Variants in THSD4 observed in about 807,000 individuals in gnomAD.
The protein encoded by THSD4 is thrombospondin type 1 domain containing 4.
Under a neutral mutation model 119.0 loss-of-function variants are expected in THSD4, and 69 were observed. The ratio of observed to expected loss-of-function variants is 0.58; its 90% CI spans 0.48 to 0.71. The LOEUF (loss-of-function observed/expected upper bound fraction) is 0.71. Among genes scored for constraint, THSD4 ranks in the 30% least tolerant of loss-of-function variants. THSD4 has a pLI of 0.00. For missense variants in THSD4, 1,393 were observed against 1,391.1 expected, an observed-to-expected ratio of 1.00 and a Z score of -0.02; for synonymous variants, 524 against 540.4, an observed-to-expected ratio of 0.97 and a Z score of 0.42.
chr15:71,578,700 G>A (rs955873657), intron 7 of THSD4, among the ~76,000 whole-genome samples: 4 of 152,082 alleles, frequency 2.6e-5, no homozygotes, highest in Non-Finnish European at 4.4e-5. Flanking sequence ...ACAGCCATTC[G>A]ATAGACTAAA....
chr15:71,294,011 T>C (rs1461028927), intron 6 of THSD4, among the ~76,000 whole-genome samples: 1 of 152,084 alleles, frequency 6.6e-6, no homozygotes, highest in Admixed American at 6.5e-5. Context: ...GTTTTAGATG[T>C]TTGATCTCCT....
intron 7 of THSD4, among the ~76,000 whole-genome samples, chr15:71,585,537 TTATA>T (rs2049649137): frequency 1.3e-5 from 2 of 152,222 alleles, no homozygotes; most frequent in Non-Finnish European, 2.9e-5. Flanking sequence ...GACAATTTGG[TTATA>T]ATGTGTCTCA....
At chr15:71,630,242 T>G (rs2050598776) in intron 7 of THSD4, among the ~76,000 whole-genome samples, 1 of 152,178 alleles carries the variant, frequency 6.6e-6, no homozygotes, top group Admixed American at 6.5e-5. Flanking sequence ...GGCAAATGGA[T>G]GACCACATGG....
intron 7 of THSD4, among the ~76,000 whole-genome samples, chr15:71,621,313 G>C (rs1411407289): frequency 6.6e-6 from 1 of 152,300 alleles, no homozygotes; most frequent in South Asian, 2.1e-4. Flanking sequence ...TTTTTTGTAA[G>C]TTCAATGGAG....
chr15:71,122,970 C>T (rs1161687941), intron 1 of THSD4, among the ~76,000 whole-genome samples: 2 of 152,222 alleles, frequency 1.3e-5, no homozygotes, highest in Admixed American at 6.5e-5. Context: ...ACTTGGGAGG[C>T]CCAGACAAGG....
At chr15:71,631,981 G>A (rs998209539) in intron 7 of THSD4, among the ~76,000 whole-genome samples, 1 of 152,168 alleles carries the variant, frequency 6.6e-6, no homozygotes, top group East Asian at 1.9e-4. Flanking sequence ...CTTACTAGCC[G>A]AGATATCTTA....
Position 71,658,662 on chromosome 15 carries a change from A to G in THSD4, c.1153-1868A>G, listed in dbSNP as rs377186365. Among the ~76,000 whole-genome samples the G allele has an allele frequency of 1.5e-3, 231 of 152,330 alleles. 2 individuals carry two copies. Among genetic ancestry groups the G allele is most frequent in the African/African-American group, 5.2e-3 (215 of 41,582 alleles). Reference sequence around the variant, plus strand: ...GTGGGGCTATGGAAATCACACATGGAAAACATATTCCTTATTTTTTCTGCT... The same window carrying G: ...GTGGGGCTATGGAAATCACACATGGGAAACATATTCCTTATTTTTTCTGCT... On this transcript the variant is annotated intron_variant, in intron 7 of 17. Transcript: ENST00000261862.
chr15:71,571,292 C>T (rs967769623), intron 7 of THSD4, among the ~76,000 whole-genome samples: 1 of 151,862 alleles, frequency 6.6e-6, no homozygotes, highest in Non-Finnish European at 1.5e-5. Flanking sequence ...TTAGCCGGGT[C>T]TCAGTGAAAG....
Position 71,777,517 on chromosome 15 carries a change from A to G in THSD4, c.*143A>G. On this transcript the variant is annotated 3_prime_UTR_variant, in exon 18 of 18. Coordinates refer to ENST00000261862, the MANE Select transcript of THSD4 (RefSeq NM_024817.3). The stretch of plus-strand genomic sequence containing the variant: ...TAGTCACCACCCCTGCCTCCGGTGA[A>G]TGCACCCCGTGGTACCCAGGGGCTT... The G allele has an allele frequency of 2.6e-6, 3 of 1,171,354 alleles. No individual in the cohort carries two copies. The highest frequency in any genetic ancestry group is 3.5e-6 in the Non-Finnish European group (3 of 850,538). The allele number at this position is 1,171,354 out of a possible 1,614,324, so 72.6% of individuals were successfully genotyped here.
At chr15:71,602,351 C>G (rs2050026169) in intron 7 of THSD4, among the ~76,000 whole-genome samples, 1 of 151,712 alleles carries the variant, frequency 6.6e-6, no homozygotes, top group Admixed American at 6.6e-5. Flanking sequence ...GTCGGGAGTT[C>G]AAGACCAACC....
At chr15:71,496,397 T>G (rs1197176135) in intron 7 of THSD4, among the ~76,000 whole-genome samples, 1 of 152,194 alleles carries the variant, frequency 6.6e-6, no homozygotes, top group Non-Finnish European at 1.5e-5. Context: ...TTTTCTTTTT[T>G]CTTTCACTTG....
chr15:71,100,243 G>T (rs1211559762), intron 1 of THSD4, among the ~76,000 whole-genome samples: 4 of 152,182 alleles, frequency 2.6e-5, no homozygotes, highest in Non-Finnish European at 4.4e-5. Flanking sequence ...GTAAGGTGAT[G>T]GAATGTCACT....
At chr15:71,393,605 A>G (rs2046405688) in intron 6 of THSD4, among the ~76,000 whole-genome samples, 1 of 151,882 alleles carries the variant, frequency 6.6e-6, no homozygotes, top group African/African-American at 2.4e-5. Flanking sequence ...CTGGCTTCCT[A>G]TTTATTTTGT....
intron 7 of THSD4, among the ~76,000 whole-genome samples, chr15:71,595,562 A>G (rs2049892855): frequency 6.6e-6 from 1 of 152,154 alleles, no homozygotes; most frequent in Non-Finnish European, 1.5e-5. Flanking sequence ...CCAGTTTCAA[A>G]TGTCTTTATC....
intron 7 of THSD4, among the ~76,000 whole-genome samples, chr15:71,492,027 A>G (rs1022169971): frequency 2.7e-5 from 4 of 149,512 alleles, no homozygotes; most frequent in Non-Finnish European, 1.5e-5. Context: ...CTTCATTATC[A>G]CTTTTATTTC....
At chr15:71,344,794 A>G (rs2045632632) in intron 6 of THSD4, among the ~76,000 whole-genome samples, 1 of 152,182 alleles carries the variant, frequency 6.6e-6, no homozygotes, top group South Asian at 2.1e-4. Flanking sequence ...TACAAGGTCT[A>G]CTCAACAAAT....
At chr15:71,408,676 A>T (rs2046640842) in intron 6 of THSD4, among the ~76,000 whole-genome samples, 1 of 151,774 alleles carries the variant, frequency 6.6e-6, no homozygotes, top group Non-Finnish European at 1.5e-5. Flanking sequence ...ACATGGCAAA[A>T]CCCCATCTCT....
intron 6 of THSD4, among the ~76,000 whole-genome samples, chr15:71,389,011 T>C (rs1468288212): frequency 6.6e-6 from 1 of 152,096 alleles, no homozygotes; most frequent in Admixed American, 6.5e-5. Flanking sequence ...GTTCTCATTC[T>C]CTCTCTTGCC....
chr15:71,142,749 A>C (rs186776476), intron 2 of THSD4, among the ~76,000 whole-genome samples: 342 of 152,364 alleles, frequency 2.2e-3, no homozygotes, highest in Admixed American at 3.9e-3. Context: ...TATTTAAATA[A>C]ATTGACTGAG....
Sources: gnomAD v4.1 joint callset for allele counts (sites outside exome capture counted in the v4.1 genomes callset) on GRCh38, gnomAD v4.1.1 for gene constraint, MANE v1.5 for transcripts, NCBI Gene and HGNC (gene_info 2026-07-23, HGNC 2026-07-21) for gene names.